F2RL1: variants seen among roughly 807,000 people sequenced by gnomAD.
F2RL1 encodes F2R like trypsin receptor 1.
Under a neutral mutation model 21.7 loss-of-function variants are expected in F2RL1, and 16 were observed. The ratio of observed to expected loss-of-function variants is 0.74; its 90% CI spans 0.50 to 1.12. The LOEUF is 1.12. Among genes scored for constraint, F2RL1 ranks in the 50% most tolerant of loss-of-function variants. The pLI is 0.00. For synonymous variants in F2RL1, 181 were observed against 186.7 expected (o/e 0.97, Z 0.25); for missense variants, 432 against 477.8 (o/e 0.90, Z 0.89).
At chr5:76,830,593 AACGAC>A (rs1395725032) in intron 1 of F2RL1, among the ~76,000 whole-genome samples, 2 of 152,130 alleles carry the variant, frequency 1.3e-5, no homozygotes, top group African/African-American at 2.4e-5. Flanking sequence ...TTATCTTAGA[AACGAC>A]ACTTGTCATT....
At position 76,833,447 on chromosome 5, in the gene F2RL1, G is replaced by GA; in HGVS notation, c.844dup (p.Arg282LysfsTer22). 4 of 1,613,868 alleles carry GA rather than the reference G, an allele frequency of 2.5e-6. No individual in the cohort carries two copies. Among genetic ancestry groups the GA allele is most frequent in the Non-Finnish European group, 3.4e-6 (4 of 1,180,008 alleles). ...CTGCCATGGATGAAAACTCAGAGAAGAAAAGGAAGAGGGCCATCAAACTCA... is the reference window on the plus strand; with the variant it reads ...CTGCCATGGATGAAAACTCAGAGAAGAAAAAGGAAGAGGGCCATCAAACTCA... On this transcript the variant is annotated frameshift_variant, in exon 2 of 2. Transcript: ENST00000296677. LOFTEE classifies it high-confidence loss of function.
At chr5:76,827,325 CAAAAAA>C (rs764040748) in intron 1 of F2RL1, among the ~76,000 whole-genome samples, 1 of 87,602 alleles carries the variant, frequency 1.1e-5, no homozygotes, top group African/African-American at 4.7e-5. Flanking sequence ...ACTAAAAATA[CAAAAAA>C]AAAAAAAAAA....
chr5:76,822,504 C>A (rs1213720154), intron 1 of F2RL1, among the ~76,000 whole-genome samples: 1 of 152,204 alleles, frequency 6.6e-6, no homozygotes, highest in East Asian at 1.9e-4. Flanking sequence ...AGGCATGAGC[C>A]ACCGTGCCTG....
intron 1 of F2RL1, among the ~76,000 whole-genome samples, chr5:76,826,537 A>C (rs1346946935): frequency 3.3e-5 from 5 of 150,784 alleles, no homozygotes; most frequent in Admixed American, 6.6e-5. Flanking sequence ...TTTTTGAGAC[A>C]GAGTCTTGCT....
intron 1 of F2RL1, among the ~76,000 whole-genome samples, chr5:76,832,172 TACTC>T (rs1750361622): frequency 6.8e-6 from 1 of 146,984 alleles, no homozygotes; most frequent in African/African-American, 2.6e-5. Flanking sequence ...GATACAAAAA[TACTC>T]ACTGTAAGAA....
intron 1 of F2RL1, among the ~76,000 whole-genome samples, chr5:76,828,465 GTCAGTAT>G (rs1469318204): frequency 2.0e-5 from 3 of 149,992 alleles, no homozygotes; most frequent in Admixed American, 1.3e-4. Flanking sequence ...CAAATATTCA[GTCAGTAT>G]TCAAATTTCT....
At chr5:76,823,048 G>A (rs1030258647) in intron 1 of F2RL1, among the ~76,000 whole-genome samples, 1 of 152,140 alleles carries the variant, frequency 6.6e-6, no homozygotes, top group Non-Finnish European at 1.5e-5. Flanking sequence ...GGCTAACATG[G>A]TGAAACCCTG....
At position 76,832,788 on chromosome 5, in the gene F2RL1, G is replaced by A; in HGVS notation, c.181G>A (p.Val61Met). 4 of 1,614,244 alleles carry A rather than the reference G, an allele frequency of 2.5e-6. No homozygotes were observed. The highest frequency in any genetic ancestry group is 3.4e-6 in the Non-Finnish European group (4 of 1,180,048). The change falls in exon 2 of 2, where the codon GTG (valine) becomes ATG (methionine). Residue 61 changes from valine (V) to methionine (M), a missense_variant. By Grantham distance (21) the Val-to-Met change is conservative (BLOSUM62 1). Coordinates refer to ENST00000296677, the MANE Select transcript of F2RL1 (RefSeq NM_005242.6). ...AGTTACAGTTGAAACAGTCTTTTCT[G>A]TGGATGAGTTTTCTGCATCTGTCCT... Reference protein sequence around the residue: ...KGVTVETVFSVDEFSASVLTG... With the variant: ...KGVTVETVFSMDEFSASVLTG...
chr5:76,832,630 C>G, intron 1 of F2RL1, 60 bp from the exon 2 acceptor site: 2 of 1,448,056 alleles, frequency 1.4e-6, no homozygotes, highest in South Asian at 1.4e-5. Flanking sequence ...TTTGAACAAA[C>G]CAGTGTTACT....
At position 76,833,244 on chromosome 5, in the gene F2RL1, A is replaced by G; in HGVS notation, c.637A>G (p.Lys213Glu). 2 of 1,613,248 alleles carry G rather than the reference A, an allele frequency of 1.2e-6. No homozygotes were observed. Among genetic ancestry groups the G allele is most frequent in the Non-Finnish European group, 1.7e-6 (2 of 1,179,904 alleles). Residue 213 changes from lysine (K) to glutamate (E), a missense_variant, in exon 2 of 2, where the codon AAG (lysine) becomes GAG (glutamate). Lys to Glu is a moderately conservative substitution (Grantham distance 56). Coordinates refer to ENST00000296677, the MANE Select transcript of F2RL1 (RefSeq NM_005242.6). Reference sequence around the variant, plus strand: ...GGTCACCATTCCTTTGTATGTCGTGAAGCAGACCATCTTCATTCCTGCCCT... The same window carrying G: ...GGTCACCATTCCTTTGTATGTCGTGGAGCAGACCATCTTCATTCCTGCCCT... ...LLVTIPLYVV[K>E]QTIFIPALNI...
chr5:76,833,887 A>C lies in F2RL1; in HGVS notation c.*86A>C, dbSNP rs1403268887. 1.1e-5 allele frequency: 16 copies of C among 1,428,988 alleles called. No individual in the cohort carries two copies. In the Admixed American group the frequency reaches 2.2e-4, roughly 20 times the overall value. 88.5% of individuals were successfully genotyped at this position (1,428,988 alleles called of 1,614,324 possible). ...AGGACGTGTCTGTTATTTCCTAATC[A>C]AAAAGGTCTCACCACATACCATGTG... On this transcript the variant is annotated 3_prime_UTR_variant, in exon 2 of 2. Transcript: ENST00000296677.
At chr5:76,823,142 A>G (rs1048043343) in intron 1 of F2RL1, among the ~76,000 whole-genome samples, 1 of 151,592 alleles carries the variant, frequency 6.6e-6, no homozygotes, top group Non-Finnish European at 1.5e-5. Context: ...AGGCAGGAGA[A>G]TGGCGTGAAC....
At chr5:76,821,942 A>AT (rs1750143346) in intron 1 of F2RL1, among the ~76,000 whole-genome samples, 1 of 152,118 alleles carries the variant, frequency 6.6e-6, no homozygotes, top group Non-Finnish European at 1.5e-5. Context: ...ATGAGCCAAA[A>AT]CAAAAAAAGG....
intron 1 of F2RL1, among the ~76,000 whole-genome samples, chr5:76,821,584 T>TG (rs1456985836): frequency 2.1e-4 from 27 of 126,840 alleles, no homozygotes; most frequent in Non-Finnish European, 2.9e-4. Flanking sequence ...TTTGGTTTTT[T>TG]GGGTTTTTTT....
In F2RL1 at chr5:76,832,839, C is replaced by T. The variant is rs1750375024; in HGVS notation, c.232C>T (p.Leu78Phe). 6.2e-7 allele frequency: 1 copy of T among 1,614,212 alleles called. No individual in the cohort carries two copies. The highest frequency in any genetic ancestry group is 2.2e-5 in the East Asian group (1 of 44,878). The change falls in exon 2 of 2, where the codon CTT becomes TTT. Residue 78 changes from leucine to phenylalanine, a missense_variant. Transcript: ENST00000296677. The stretch of plus-strand genomic sequence containing the variant: ...CACTGGAAAACTGACCACTGTCTTC[C>T]TTCCAATTGTCTACACAATTGTGTT... Reference protein sequence around the residue: ...VLTGKLTTVFLPIVYTIVFVV... With the variant: ...VLTGKLTTVFFPIVYTIVFVV...
Position 76,819,070 on chromosome 5 carries a change from C to G in F2RL1, c.-113C>G. ...CTGGGGAGGCGCGCAGCAGAGGCTCCGATTCGGGGCAGGTGAGAGGCTGAC... is the reference window on the plus strand; with the variant it reads ...CTGGGGAGGCGCGCAGCAGAGGCTCGGATTCGGGGCAGGTGAGAGGCTGAC... On this transcript the variant is annotated 5_prime_UTR_variant, in exon 1 of 2. Transcript: ENST00000296677. 1.2e-6 allele frequency: 1 copy of G among 845,196 alleles called. No individual in the cohort carries two copies. The highest frequency in any genetic ancestry group is 1.8e-6 in the Non-Finnish European group (1 of 551,644). 52.4% of individuals were successfully genotyped at this position (845,196 alleles called of 1,614,324 possible). A position where few individuals can be genotyped will look rare whatever the true frequency, so the allele number is the denominator to read the frequency against.
At chr5:76,828,790 G>A (rs747002849) in intron 1 of F2RL1, among the ~76,000 whole-genome samples, 1 of 151,994 alleles carries the variant, frequency 6.6e-6, no homozygotes, top group Non-Finnish European at 1.5e-5. Flanking sequence ...AACCGTGCCT[G>A]GCTTTGTGTT....
intron 1 of F2RL1, among the ~76,000 whole-genome samples, chr5:76,820,217 C>T (rs1750106595): frequency 6.6e-6 from 1 of 152,168 alleles, no homozygotes; most frequent in Non-Finnish European, 1.5e-5. Context: ...TCTTCCGGGC[C>T]CAGCAGGCCT....
chr5:76,825,223 T>TCTC (rs1167460232), intron 1 of F2RL1, among the ~76,000 whole-genome samples: 2 of 152,062 alleles, frequency 1.3e-5, no homozygotes, highest in African/African-American at 4.8e-5. Context: ...GTCAGGATGG[T>TCTC]CTCGATCTCT....
Sources: gnomAD v4.1 joint callset for allele counts (sites outside exome capture counted in the v4.1 genomes callset) on GRCh38, gnomAD v4.1.1 for gene constraint, MANE v1.5 for transcripts, NCBI Gene and HGNC (gene_info 2026-07-23, HGNC 2026-07-21) for gene names.